The following TRIM49 variants were observed in gnomAD, a reference collection of about 807,000 sequenced individuals.
TRIM49 encodes the protein tripartite motif containing 49.
In TRIM49, 5 loss-of-function variants were observed where a neutral mutation model predicts 27.4. The observed-to-expected ratio is 0.18, with a 90% CI of 0.10 to 0.38. The LOEUF is 0.38. Among genes scored for constraint, TRIM49 ranks in the 10% least tolerant of loss-of-function variants. The pLI is 1.00. For missense variants in TRIM49, 188 were observed against 487.5 expected (o/e 0.39, Z 5.79); for synonymous variants, 69 against 166.0 (o/e 0.42, Z 4.49).
chr11:89,766,831 A>G, the TRIM49 span: 314 of 1,347,230 alleles, frequency 2.3e-4, 17 homozygotes, highest in Non-Finnish European at 3.0e-4. Flanking sequence ...ATGTCCTTAG[A>G]TTTAAACATT....
chr11:89,806,594 A>C (rs934009389), intron 2 of TRIM49, among the ~76,000 whole-genome samples: 2 of 150,426 alleles, frequency 1.3e-5, no homozygotes, highest in Non-Finnish European at 2.9e-5. Flanking sequence ...TTATAAATTT[A>C]CTTGTTCGAA....
At chr11:89,774,762 C>T in the TRIM49 span, among the ~76,000 whole-genome samples, 2 of 135,260 alleles carry the variant, frequency 1.5e-5, no homozygotes, top group Middle Eastern at 3.5e-3. Context: ...AGTGATTTTA[C>T]AGAAAATCAA....
At chr11:89,800,628 G>T (rs113367508) in intron 6 of TRIM49, among the ~76,000 whole-genome samples, 1 of 149,892 alleles carries the variant, frequency 6.7e-6, no homozygotes, top group Non-Finnish European at 1.5e-5. Flanking sequence ...CTGTAGTCCC[G>T]GGTACTCGGG....
At chr11:89,790,918 A>G in the TRIM49 span, among the ~76,000 whole-genome samples, 3 of 152,140 alleles carry the variant, frequency 2.0e-5, no homozygotes, top group Admixed American at 6.5e-5. Flanking sequence ...TGACAAGTTG[A>G]GAGAAGAAGT....
chr11:89,802,266 A>G (rs1300534054), intron 4 of TRIM49, among the ~76,000 whole-genome samples: 2 of 150,244 alleles, frequency 1.3e-5, no homozygotes, highest in African/African-American at 2.5e-5. Context: ...TAGTTACTAG[A>G]AAGGAAACAA....
At chr11:89,766,804 C>T in the TRIM49 span, 5 of 1,249,808 alleles carry the variant, frequency 4.0e-6, 1 homozygote, top group South Asian at 6.2e-5. Flanking sequence ...TCCACCTTCA[C>T]ACATAAAAGA....
the TRIM49 span, among the ~76,000 whole-genome samples, chr11:89,774,343 T>C: frequency 6.6e-6 from 1 of 151,098 alleles, no homozygotes; most frequent in Non-Finnish European, 1.5e-5. Flanking sequence ...TTAAGTCAAC[T>C]TTCTTGCGTC....
chr11:89,796,075 T>C (rs1949686093), downstream of TRIM49, among the ~76,000 whole-genome samples: 2 of 151,898 alleles, frequency 1.3e-5, no homozygotes, highest in South Asian at 2.1e-4. Flanking sequence ...CCTCACTTAC[T>C]CTAATAAAAA....
At chr11:89,792,637 A>G in the TRIM49 span, among the ~76,000 whole-genome samples, 1 of 152,144 alleles carries the variant, frequency 6.6e-6, no homozygotes, top group Non-Finnish European at 1.5e-5. Flanking sequence ...CCTGCTCCTG[A>G]ATGACTACCG....
intron 2 of TRIM49, among the ~76,000 whole-genome samples, chr11:89,804,901 T>C (rs1320134181): frequency 6.6e-6 from 1 of 150,898 alleles, no homozygotes; most frequent in Non-Finnish European, 1.5e-5. Flanking sequence ...CAAAGAAATA[T>C]GAGAAGATGG....
chr11:89,797,430 A>T (rs1949699365), downstream of TRIM49, among the ~76,000 whole-genome samples: 1 of 148,114 alleles, frequency 6.8e-6, no homozygotes, highest in Non-Finnish European at 1.5e-5. Flanking sequence ...AGAATATTGT[A>T]TCAGGTTCCC....
downstream of TRIM49, among the ~76,000 whole-genome samples, chr11:89,797,174 A>G (rs1231531214): frequency 7.3e-5 from 11 of 151,186 alleles, no homozygotes; most frequent in African/African-American, 2.7e-4. Context: ...TATGTATCCA[A>G]TTCTGTAAAG....
In TRIM49 at chr11:89,798,602, G is replaced by C. The variant is rs571809318; in HGVS notation, c.887C>G (p.Ala296Gly). ...RVHITLHHEE[A>G]NNDIFLYEIL... ...TTCATACAGAAAGATATCATTGTTG[G>C]CTTCTTCATGATGCAGAGTAATATG... is the stretch of plus-strand genomic sequence containing the variant. The change falls in exon 8 of 8, where the codon GCC (alanine) becomes GGC (glycine). Residue 296 changes from alanine (A) to glycine (G), a missense_variant. Physicochemically the swap from Ala to Gly is moderately conservative, Grantham distance 60. Transcript: ENST00000329758. The C allele has an allele frequency of 2.6e-6, 4 of 1,551,326 alleles. No individual in the cohort carries two copies. Among genetic ancestry groups the C allele is most frequent in the East Asian group, 5.1e-5 (2 of 39,362 alleles).
chr11:89,768,047 A>G, the TRIM49 span: 1 of 475,700 alleles, frequency 2.1e-6, no homozygotes, highest in South Asian at 2.3e-5. Flanking sequence ...CTGTTTGAGG[A>G]TAGTGAAACT....
chr11:89,784,751 C>T, the TRIM49 span, among the ~76,000 whole-genome samples: 2 of 144,216 alleles, frequency 1.4e-5, no homozygotes, highest in African/African-American at 2.8e-5. Flanking sequence ...TTATTCCTGA[C>T]ATTCTTTTAA....
chr11:89,800,419 T>C (rs1463960290), intron 6 of TRIM49, among the ~76,000 whole-genome samples: 1 of 151,720 alleles, frequency 6.6e-6, no homozygotes, highest in Non-Finnish European at 1.5e-5. Flanking sequence ...AAAAAACTTA[T>C]CTTTCTCCTG....
the TRIM49 span, chr11:89,782,464 G>A: frequency 0.044 from 59,996 of 1,379,122 alleles, 4 homozygotes; most frequent in African/African-American, 0.092. Context: ...GCCTGTGAGC[G>A]CACTGTAACT....
chr11:89,769,757 AGTTTT>A, the TRIM49 span, among the ~76,000 whole-genome samples: 1 of 112,774 alleles, frequency 8.9e-6, no homozygotes. Flanking sequence ...TGGATCCAGG[AGTTTT>A]CCTGGGTTAA....
the TRIM49 span, among the ~76,000 whole-genome samples, chr11:89,767,718 T>G: frequency 7.6e-6 from 1 of 131,984 alleles, no homozygotes; most frequent in African/African-American, 3.8e-5. Context: ...GTGTTTGCAT[T>G]GTTATATAAG....
Sources: gnomAD v4.1 joint callset for allele counts (sites outside exome capture counted in the v4.1 genomes callset) on GRCh38, gnomAD v4.1.1 for gene constraint, MANE v1.5 for transcripts, NCBI Gene and HGNC (gene_info 2026-07-23, HGNC 2026-07-21) for gene names.